The following TMEM117 variants were observed in gnomAD, a reference collection of about 807,000 sequenced individuals.
The protein encoded by TMEM117 is transmembrane protein 117.
A neutral mutation model predicts 52.4 loss-of-function variants in TMEM117; 27 were observed. The ratio of observed to expected loss-of-function variants is 0.51; its 90% CI spans 0.38 to 0.71. The LOEUF (loss-of-function observed/expected upper bound fraction) is 0.71, where lower values mean the gene tolerates loss of function less well. TMEM117 is among the 30% of genes least tolerant of loss of function. The probability of loss-of-function intolerance (pLI) is 0.00; values close to 1 mark genes in which losing one functional copy is unlikely to be tolerated. For missense variants in TMEM117, 556 were observed against 630.5 expected (o/e 0.88, Z 1.26); for synonymous variants, 215 against 206.3 (o/e 1.04, Z -0.36).
At chr12:44,080,522 T>C (rs1947465072) in intron 3 of TMEM117, among the ~76,000 whole-genome samples, 1 of 152,098 alleles carries the variant, frequency 6.6e-6, no homozygotes, top group South Asian at 2.1e-4. Flanking sequence ...CCATATCACA[T>C]GTTATGCATA....
chr12:43,969,141 T>A (rs921019300), intron 3 of TMEM117, among the ~76,000 whole-genome samples: 1 of 151,974 alleles, frequency 6.6e-6, no homozygotes, highest in Non-Finnish European at 1.5e-5. Flanking sequence ...GCACTTTAAT[T>A]GCTGTCAAGA....
intron 6 of TMEM117, among the ~76,000 whole-genome samples, chr12:44,367,911 T>C (rs1951811506): frequency 6.6e-6 from 1 of 152,146 alleles, no homozygotes; most frequent in South Asian, 2.1e-4. Context: ...GCCACCCTTA[T>C]TTAAATGGCT....
chr12:44,344,986 G>A (rs1401875788), intron 6 of TMEM117, among the ~76,000 whole-genome samples: 1 of 151,952 alleles, frequency 6.6e-6, no homozygotes, highest in East Asian at 1.9e-4. Context: ...TGGGCCTACC[G>A]AGAGAAGGTG....
intron 2 of TMEM117, among the ~76,000 whole-genome samples, chr12:43,868,775 A>G (rs1000605313): frequency 1.3e-5 from 2 of 152,138 alleles, no homozygotes; most frequent in Admixed American, 1.3e-4. Context: ...CTCTGTTTTT[A>G]TTGTAAGGGG....
intron 3 of TMEM117, among the ~76,000 whole-genome samples, chr12:44,070,156 G>A (rs900117491): frequency 1.3e-5 from 2 of 152,168 alleles, no homozygotes; most frequent in South Asian, 2.1e-4. Context: ...CTCCCAAAAT[G>A]CTGGGATTAC....
At chr12:44,335,274 A>C (rs1951326370) in intron 6 of TMEM117, among the ~76,000 whole-genome samples, 1 of 152,110 alleles carries the variant, frequency 6.6e-6, no homozygotes, top group African/African-American at 2.4e-5. Flanking sequence ...AGTAGCTTTT[A>C]GCATGAAACT....
chr12:43,978,043 G>A (rs942741203), intron 3 of TMEM117, among the ~76,000 whole-genome samples: 9 of 152,206 alleles, frequency 5.9e-5, no homozygotes, highest in African/African-American at 2.2e-4. Flanking sequence ...GGACATGCCT[G>A]TGAGCTGGCA....
chr12:43,881,790 C>CAAAA lies in TMEM117; in HGVS notation c.277+36881_277+36884dup, dbSNP rs58734580. ...GGCAACAAGAGTGAAACTCTTGTCT[C>CAAAA]AAAAAAAAAAAAAAAAAAAAAAGGC... On this transcript the variant is annotated intron_variant, in intron 2 of 7. Coordinates refer to ENST00000266534, the MANE Select transcript of TMEM117 (RefSeq NM_032256.3). Among the ~76,000 whole-genome samples the CAAAA allele has an allele frequency of 4.6e-3, 192 of 41,682 alleles. 6 individuals carry two copies. Among genetic ancestry groups the CAAAA allele is most frequent in the African/African-American group, 0.01 (94 of 9,132 alleles). 27.3% of individuals were successfully genotyped at this position (41,682 alleles called of 152,430 possible).
At position 44,008,069 on chromosome 12, in the gene TMEM117, A is replaced by C. The variant is rs141286443; in HGVS notation, c.410+63727A>C. Among the ~76,000 whole-genome samples the C allele has an allele frequency of 3.1e-3, 468 of 152,316 alleles. 7 individuals are homozygous for C. The highest frequency in any genetic ancestry group is 0.027 in the Admixed American group (410 of 15,298). ...GGCACCAGTTTGAAAGCCTCCATCC[A>C]GTCTACATAATGAAAGTCAGAAAAA... On this transcript the variant is annotated intron_variant, in intron 3 of 7. Coordinates refer to ENST00000266534, the MANE Select transcript of TMEM117 (RefSeq NM_032256.3).
intron 3 of TMEM117, among the ~76,000 whole-genome samples, chr12:44,010,609 A>G (rs1946275504): frequency 6.6e-6 from 1 of 152,116 alleles, no homozygotes; most frequent in Non-Finnish European, 1.5e-5. Flanking sequence ...TGTGGTTTAA[A>G]TTATTTTATA....
At chr12:43,884,084 C>A (rs182710715) in intron 2 of TMEM117, among the ~76,000 whole-genome samples, 2 of 147,524 alleles carry the variant, frequency 1.4e-5, no homozygotes, top group East Asian at 4.0e-4. Flanking sequence ...TGCAGTGAGC[C>A]ATGATCACAC....
chr12:44,115,046 C>T (rs191609224), intron 3 of TMEM117, among the ~76,000 whole-genome samples: 1 of 152,276 alleles, frequency 6.6e-6, no homozygotes. Context: ...GAGCTGTATA[C>T]ATGAACTATT....
In TMEM117 at chr12:44,299,721, CCTT is replaced by C. The variant is rs750594406; in HGVS notation, c.754_756del (p.Leu252del). 3.1e-6 allele frequency: 5 copies of C among 1,613,940 alleles called. No individual in the cohort carries two copies. Among genetic ancestry groups the C allele is most frequent in the East Asian group, 2.2e-5 (1 of 44,874 alleles). ...TTGCTTCTTTTATCTTGGTCTTTGA[CCTT>C]CTTATTGTGATGCAGGTAAGTGTAT... On this transcript the variant is annotated inframe_deletion, in exon 6 of 8. Coordinates refer to ENST00000266534, the MANE Select transcript of TMEM117 (RefSeq NM_032256.3).
chr12:43,840,355 A>G (rs144459470), intron 1 of TMEM117, among the ~76,000 whole-genome samples: 1 of 152,356 alleles, frequency 6.6e-6, no homozygotes, highest in East Asian at 1.9e-4. Context: ...TCATCAGCAT[A>G]GTATCTGGTA....
intron 3 of TMEM117, 21 bp downstream of exon 3, chr12:43,944,363 C>G: frequency 6.2e-7 from 1 of 1,600,824 alleles, no homozygotes; most frequent in South Asian, 1.1e-5. Context: ...TTTCCCCTTT[C>G]TACTGTGGTG....
intron 4 of TMEM117, among the ~76,000 whole-genome samples, chr12:44,152,627 T>C (rs865950076): frequency 4.1e-4 from 53 of 128,098 alleles, no homozygotes; most frequent in South Asian, 6.8e-4. Context: ...ATAATATTTA[T>C]ATCATATATA....
intron 3 of TMEM117, among the ~76,000 whole-genome samples, chr12:44,141,508 AG>A (rs1400530226): frequency 6.6e-6 from 1 of 152,116 alleles, no homozygotes; most frequent in African/African-American, 2.4e-5. Context: ...ATTTTTAGAT[AG>A]TAAAATAAAA....
intron 5 of TMEM117, among the ~76,000 whole-genome samples, chr12:44,290,030 C>T (rs1950685298): frequency 6.6e-6 from 1 of 152,034 alleles, no homozygotes; most frequent in Non-Finnish European, 1.5e-5. Flanking sequence ...TTATTCACAC[C>T]CCTTGCCCAT....
At chr12:43,949,838 C>G (rs10880600) in intron 3 of TMEM117, among the ~76,000 whole-genome samples, 1 of 152,038 alleles carries the variant, frequency 6.6e-6, no homozygotes, top group South Asian at 2.1e-4. Context: ...AAATATCTCC[C>G]GGGGAACTGC....
Sources: gnomAD v4.1 joint callset for allele counts (sites outside exome capture counted in the v4.1 genomes callset) on GRCh38, gnomAD v4.1.1 for gene constraint, MANE v1.5 for transcripts, NCBI Gene and HGNC (gene_info 2026-07-23, HGNC 2026-07-21) for gene names.